Variants in TP53I13 observed in about 807,000 individuals in gnomAD.
The protein encoded by TP53I13 is tumor protein p53 inducible protein 13.
Under a neutral mutation model 39.1 loss-of-function variants are expected in TP53I13, and 27 were observed. That is an observed-to-expected ratio of 0.69 (90% CI 0.51 to 0.95). TP53I13 has a LOEUF of 0.95. TP53I13 is among the 40% of genes least tolerant of loss of function. The pLI, the probability that TP53I13 is intolerant of heterozygous loss-of-function variation, is 0.00. For synonymous variants in TP53I13, 230 were observed against 224.6 expected, an observed-to-expected ratio of 1.02 and a Z score of -0.22; for missense variants, 544 against 520.4, an observed-to-expected ratio of 1.05 and a Z score of -0.44.
At position 29,572,544 on chromosome 17, in the gene TP53I13, C is replaced by T. The variant is rs1464959874; in HGVS notation, c.916C>T (p.Arg306Cys). The change falls in exon 6 of 7, where the codon CGC becomes TGC. Residue 306 changes from arginine to cysteine, a missense_variant. Coordinates refer to ENST00000301057, the MANE Select transcript of TP53I13 (RefSeq NM_138349.4). ...PPRAARGPTP[R>C]TEEAAWAAMA... ...ACGGGCAGCCCGGGGCCCCACCCCACGCACTGAAGAGGCCGCCTGGGCTGC... is the reference window on the plus strand; with the variant it reads ...ACGGGCAGCCCGGGGCCCCACCCCATGCACTGAAGAGGCCGCCTGGGCTGC... The T allele has an allele frequency of 3.7e-6, 6 of 1,604,550 alleles. No individual in the cohort carries two copies. The highest frequency in any genetic ancestry group is 2.7e-5 in the African/African-American group (2 of 74,618).
At chr17:29,578,724 G>C in the TP53I13 span, 1 of 1,613,322 alleles carries the variant, frequency 6.2e-7, no homozygotes, top group Non-Finnish European at 8.5e-7. Flanking sequence ...TGTTGGAGCA[G>C]ACTTACCGCC....
chr17:29,574,459 G>A (rs1274392605), downstream of TP53I13: 3 of 561,594 alleles, frequency 5.3e-6, no homozygotes, highest in Admixed American at 3.2e-5. Context: ...TAGGAGGGGG[G>A]AGATGCTATA....
chr17:29,575,967 C>T (rs770211048), downstream of TP53I13: 69 of 1,533,288 alleles, frequency 4.5e-5, no homozygotes, highest in Non-Finnish European at 5.9e-5. The surrounding 1 kb of genome is among the most constrained non-coding windows in gnomAD (Gnocchi z 5.5). Context: ...AGCAGTGCAG[C>T]AGGGACCAGG....
In TP53I13 at chr17:29,568,815, C is replaced by T. The variant is rs1389296358; in HGVS notation, c.57C>T (p.Leu19=). ...TTCTCCTGGCAGCCCTCGCGAGGCT[C>T]CTGGGTCCCAGCGAGGTAAGGTGAC... is the stretch of plus-strand genomic sequence containing the variant. ...QLLLLAALAR[L]LGPSEVMAGP... is the part of the protein sequence containing the mutation. The change falls in exon 1 of 7, where the codon CTC becomes CTT. Residue 19 remains leucine, a synonymous_variant. Coordinates refer to ENST00000301057, the MANE Select transcript of TP53I13 (RefSeq NM_138349.4). The surrounding 1 kb of genome is among the most constrained non-coding windows in gnomAD (Gnocchi z 4.5). 6.3e-7 allele frequency: 1 copy of T among 1,599,536 alleles called. No homozygotes were observed. Among genetic ancestry groups the T allele is most frequent in the Non-Finnish European group, 8.5e-7 (1 of 1,179,498 alleles).
the TP53I13 span, chr17:29,578,740 C>T: frequency 1.2e-6 from 2 of 1,614,096 alleles, no homozygotes. Context: ...CCGCCTGCAG[C>T]TTCTTCTTAG....
chr17:29,571,682 C>T lies in TP53I13; in HGVS notation c.275C>T (p.Pro92Leu), dbSNP rs955146966. The T allele has an allele frequency of 2.5e-6, 4 of 1,614,070 alleles. No homozygotes were observed. The highest frequency in any genetic ancestry group is 1.6e-4 in the Middle Eastern group (1 of 6,084). The change falls in exon 4 of 7, where the codon CCT becomes CTT. Residue 92 changes from proline (P) to leucine (L), a missense_variant. Physicochemically the swap from Pro to Leu is moderately conservative, Grantham distance 98 (BLOSUM62 -3). Transcript: ENST00000301057. ...ALLAYACMAN[P>L]SLTPDFSLTQ... ...CTGGCCTATGCTTGTATGGCTAACC[C>T]TTCCCTCACCCCTGACTTCAGCCTC...
chr17:29,576,956 G>A (rs575285107), downstream of TP53I13: 34 of 1,600,188 alleles, frequency 2.1e-5, no homozygotes, highest in South Asian at 2.4e-4. Flanking sequence ...CGTGTTGGTC[G>A]TCGAGGTCAC....
At chr17:29,569,137 G>C (rs1177388971) in intron 2 of TP53I13, 51 bp downstream of exon 2, 5 of 1,542,954 alleles carry the variant, frequency 3.2e-6, no homozygotes, top group Non-Finnish European at 4.4e-6. Flanking sequence ...GGCTAGCCCA[G>C]TCCCGCTCTG....
the TP53I13 span, chr17:29,581,557 C>A: frequency 1.3e-5 from 9 of 701,784 alleles, no homozygotes; most frequent in Non-Finnish European, 2.0e-5. This position sits in a 1 kb window ranked among gnomAD's most constrained non-coding sequence, Gnocchi z 4.8. Flanking sequence ...TGCCCACCCC[C>A]ACTCCCTAGC....
At chr17:29,576,635 G>A (rs1432585254), downstream of TP53I13, 1 of 1,614,026 alleles carries the variant, frequency 6.2e-7, no homozygotes, top group South Asian at 1.1e-5. Flanking sequence ...TACTCCTGCA[G>A]CGTCACAGCC....
Position 29,572,754 on chromosome 17 carries a change from C to G in TP53I13, c.1069+57C>G, listed in dbSNP as rs995179178. On this transcript the variant is annotated intron_variant, in intron 6 of 6. Coordinates refer to ENST00000301057, the MANE Select transcript of TP53I13 (RefSeq NM_138349.4). ...CCCCCGCCCCACCTCGCGTCGCCCGCCGCCCCCCGTAGCTTCCCTGCCCTC... is the reference window on the plus strand; with the variant it reads ...CCCCCGCCCCACCTCGCGTCGCCCGGCGCCCCCCGTAGCTTCCCTGCCCTC... 280 of 1,500,640 alleles carry G rather than the reference C, an allele frequency of 1.9e-4. No individual in the cohort carries two copies. In the African/African-American group the frequency reaches 3.4e-3, roughly 18 times the overall value. The allele number at this position is 1,500,640 out of a possible 1,614,324, so 93.0% of individuals were successfully genotyped here. A position where few individuals can be genotyped will look rare whatever the true frequency, so the allele number is the denominator to read the frequency against.
chr17:29,574,822 T>C (rs1555573336), downstream of TP53I13: 3 of 1,610,340 alleles, frequency 1.9e-6, no homozygotes, highest in Non-Finnish European at 1.7e-6. Flanking sequence ...CGCCGGGCTC[T>C]GGGGGCACTG....
At chr17:29,581,438 G>A in the TP53I13 span, 2 of 1,327,978 alleles carry the variant, frequency 1.5e-6, no homozygotes, top group Non-Finnish European at 2.2e-6. This position sits in a 1 kb window ranked among gnomAD's most constrained non-coding sequence, Gnocchi z 4.8. Context: ...TCAGCAGCTG[G>A]GAGCCCACCT....
downstream of TP53I13, chr17:29,574,349 C>T (rs1031260995): frequency 3.2e-5 from 10 of 311,044 alleles, no homozygotes; most frequent in East Asian, 8.1e-5. Flanking sequence ...GGCGCATGTA[C>T]GGAGAGCTGC....
chr17:29,578,618 G>T, the TP53I13 span: 6 of 1,032,764 alleles, frequency 5.8e-6, no homozygotes, highest in African/African-American at 6.3e-5. Context: ...GAGGGGACAG[G>T]TCAAAGACTT....
upstream of TP53I13, chr17:29,566,799 C>G (rs1436230086): frequency 3.3e-6 from 5 of 1,513,582 alleles, no homozygotes; most frequent in Non-Finnish European, 4.4e-6. Context: ...TGAACTGGTC[C>G]GCCGGGCCTC....
intron 3 of TP53I13, chr17:29,571,378 A>G: frequency 1.7e-6 from 1 of 591,106 alleles, no homozygotes; most frequent in Non-Finnish European, 2.9e-6. Context: ...GAAGGGTGGC[A>G]CTTGATGGAG....
At position 29,572,715 on chromosome 17, in the gene TP53I13, T is replaced by G; in HGVS notation, c.1069+18T>G. On this transcript the variant is annotated intron_variant, in intron 6 of 6. Transcript: ENST00000301057. ...AGTGGCTGGTGAGGAGTTCCCTCCC[T>G]ACCCTACCCGAGGCCCCCGCCCCAC... 1 of 1,513,742 alleles carries G rather than the reference T, an allele frequency of 6.6e-7. No homozygotes were observed. Among genetic ancestry groups the G allele is most frequent in the Admixed American group, 2.1e-5 (1 of 48,534 alleles). 93.8% of individuals were successfully genotyped at this position (1,513,742 alleles called of 1,614,324 possible). A position where few individuals can be genotyped will look rare whatever the true frequency, so the allele number is the denominator to read the frequency against.
At chr17:29,569,458 T>A in intron 3 of TP53I13, 99 bp downstream of exon 3, 1 of 1,192,754 alleles carries the variant, frequency 8.4e-7, no homozygotes, top group Non-Finnish European at 1.2e-6. Context: ...GCCCCATTCC[T>A]TACCACTTCC....
Sources: allele counts gnomAD v4.1 joint callset, GRCh38; gene constraint gnomAD v4.1.1; non-coding constraint Gnocchi (gnomAD v3.1); transcripts MANE v1.5; gene names NCBI Gene and HGNC (gene_info 2026-07-23, HGNC 2026-07-21).